Variants in SLC5A3 observed in about 807,000 individuals in gnomAD.
SLC5A3 encodes solute carrier family 5 member 3, also known as sodium/myo-inositol cotransporter.
Under a neutral mutation model 43.2 loss-of-function variants are expected in SLC5A3, and 10 were observed. That is an observed-to-expected ratio of 0.23 (90% CI 0.14 to 0.39). SLC5A3 has a LOEUF of 0.39. Among genes scored for constraint, SLC5A3 ranks in the 10% least tolerant of loss-of-function variants. The pLI is 1.00. For synonymous variants in SLC5A3, 349 were observed against 322.0 expected, an observed-to-expected ratio of 1.08 and a Z score of -0.90; for missense variants, 608 against 893.4, an observed-to-expected ratio of 0.68 and a Z score of 4.07.
intron 1 of SLC5A3, among the ~76,000 whole-genome samples, chr21:34,089,749 C>G (rs1381764810): frequency 1.3e-5 from 2 of 152,268 alleles, no homozygotes; most frequent in East Asian, 3.9e-4. Flanking sequence ...CCTACTCTGC[C>G]TCAACTTCAC....
rs1979378987 is a variant in SLC5A3, at chr21:34,104,298, A to G, written c.*6943A>G. On this transcript the variant is annotated 3_prime_UTR_variant, in exon 2 of 2. Transcript: ENST00000381151. Reference sequence around the variant, plus strand: ...CATTAACCCTCTTCTAGTCTAGATGAGATGAAATCTGTTAATGTGTGTGTA... The same window carrying G: ...CATTAACCCTCTTCTAGTCTAGATGGGATGAAATCTGTTAATGTGTGTGTA... 1 of 1,000,176 alleles carries G rather than the reference A, an allele frequency of 1.0e-6. No individual in the cohort carries two copies. Among genetic ancestry groups the G allele is most frequent in the South Asian group, 4.7e-5 (1 of 21,292 alleles). 62.0% of individuals were successfully genotyped at this position (1,000,176 alleles called of 1,614,324 possible).
At position 34,105,358 on chromosome 21, in the gene SLC5A3, T is replaced by C. The variant is rs747033483; in HGVS notation, c.*8003T>C. 292 of 999,614 alleles carry C rather than the reference T, an allele frequency of 2.9e-4. No homozygotes were observed. Among genetic ancestry groups the C allele is most frequent in the Non-Finnish European group, 3.4e-4 (281 of 829,602 alleles). 61.9% of individuals were successfully genotyped at this position (999,614 alleles called of 1,614,324 possible). A position where few individuals can be genotyped will look rare whatever the true frequency, so the allele number is the denominator to read the frequency against. On this transcript the variant is annotated 3_prime_UTR_variant, in exon 2 of 2. Transcript: ENST00000381151. ...TCAAAAATAGTTGCTGTGCAAAAGT[T>C]AGTAGTCTTCTTCAAGAAGAAAACC...
Position 34,101,336 on chromosome 21 carries a change from G to A in SLC5A3, c.*3981G>A. On this transcript the variant is annotated 3_prime_UTR_variant, in exon 2 of 2. Coordinates refer to ENST00000381151, the MANE Select transcript of SLC5A3 (RefSeq NM_006933.7). ...AATAAGTTTCAGCTTTTTAAACCCT[G>A]GTTTGATGTTAAGCATTATAAAGTA... The A allele has an allele frequency of 2.0e-6, 2 of 1,000,116 alleles. No homozygotes were observed. The highest frequency in any genetic ancestry group is 3.5e-5 in the African/African-American group (2 of 57,322). 62.0% of individuals were successfully genotyped at this position (1,000,116 alleles called of 1,614,324 possible). A position where few individuals can be genotyped will look rare whatever the true frequency, so the allele number is the denominator to read the frequency against.
At chr21:34,092,139 T>A (rs992703057) in intron 1 of SLC5A3, among the ~76,000 whole-genome samples, 1 of 150,834 alleles carries the variant, frequency 6.6e-6, no homozygotes, top group African/African-American at 2.4e-5. Context: ...TATATATATA[T>A]AACATACTGT....
intron 1 of SLC5A3, among the ~76,000 whole-genome samples, chr21:34,075,037 C>T (rs1989293334): frequency 6.6e-6 from 1 of 152,162 alleles, no homozygotes; most frequent in Non-Finnish European, 1.5e-5. Context: ...CTTGAATATC[C>T]CTTTTGGCCC....
intron 1 of SLC5A3, among the ~76,000 whole-genome samples, chr21:34,074,931 C>T (rs972114610): frequency 1.3e-5 from 2 of 152,118 alleles, no homozygotes; most frequent in East Asian, 1.9e-4. Flanking sequence ...CAGTGCCTCT[C>T]TATGAGGTCC....
chr21:34,101,061 T>A lies in SLC5A3; in HGVS notation c.*3706T>A. 1.0e-6 allele frequency: 1 copy of A among 1,000,186 alleles called. No individual in the cohort carries two copies. The highest frequency in any genetic ancestry group is 1.2e-6 in the Non-Finnish European group (1 of 829,932). 62.0% of individuals were successfully genotyped at this position (1,000,186 alleles called of 1,614,324 possible). ...TTTCCTAGGTTTGGATAGAGAGATG[T>A]ATACAAGACCTTTCCTGTTAAATTA... On this transcript the variant is annotated 3_prime_UTR_variant, in exon 2 of 2. Coordinates refer to ENST00000381151, the MANE Select transcript of SLC5A3 (RefSeq NM_006933.7).
Position 34,098,196 on chromosome 21 carries a change from G to A in SLC5A3, c.*841G>A, listed in dbSNP as rs548792282. The stretch of plus-strand genomic sequence containing the variant: ...GGAAATGACCAGCCCCCTAAGCAGT[G>A]TTTGATTAACTTATGCTAATCAGAT... On this transcript the variant is annotated 3_prime_UTR_variant, in exon 2 of 2. Transcript: ENST00000381151. 27 of 999,456 alleles carry A rather than the reference G, an allele frequency of 2.7e-5. No individual in the cohort carries two copies. The African/African-American group carries it at 4.2e-4, about 16-fold the overall frequency. The allele number at this position is 999,456 out of a possible 1,614,324, so 61.9% of individuals were successfully genotyped here.
intron 1 of SLC5A3, among the ~76,000 whole-genome samples, chr21:34,080,384 A>G (rs776385798): frequency 1.3e-5 from 2 of 152,098 alleles, no homozygotes; most frequent in African/African-American, 2.4e-5. Context: ...TCCACATTTT[A>G]TATGCCCAGT....
At chr21:34,077,429 A>G (rs1469068212) in intron 1 of SLC5A3, among the ~76,000 whole-genome samples, 1 of 152,332 alleles carries the variant, frequency 6.6e-6, no homozygotes, top group East Asian at 1.9e-4. Flanking sequence ...GTTGGCATAG[A>G]TTATGAAAGC....
chr21:34,089,028 C>T (rs1978541750), intron 1 of SLC5A3, among the ~76,000 whole-genome samples: 1 of 151,998 alleles, frequency 6.6e-6, no homozygotes, highest in African/African-American at 2.4e-5. Flanking sequence ...TCTGTTATTT[C>T]ATATTTCCTT....
Position 34,100,572 on chromosome 21 carries a change from G to T in SLC5A3, c.*3217G>T. On this transcript the variant is annotated 3_prime_UTR_variant, in exon 2 of 2. Transcript: ENST00000381151. Reference sequence around the variant, plus strand: ...CATTGTATTTTGGCACAAAGAGCCTGGCCAGGGTCATGTAGCCATAGCTCT... The same window carrying T: ...CATTGTATTTTGGCACAAAGAGCCTTGCCAGGGTCATGTAGCCATAGCTCT... 1.0e-6 allele frequency: 1 copy of T among 1,000,242 alleles called. No homozygotes were observed. The highest frequency in any genetic ancestry group is 1.2e-6 in the Non-Finnish European group (1 of 829,994). 62.0% of individuals were successfully genotyped at this position (1,000,242 alleles called of 1,614,324 possible). A position where few individuals can be genotyped will look rare whatever the true frequency, so the allele number is the denominator to read the frequency against.
intron 1 of SLC5A3, among the ~76,000 whole-genome samples, chr21:34,090,070 T>G (rs546395550): frequency 6.6e-6 from 1 of 152,310 alleles, no homozygotes; most frequent in Admixed American, 6.5e-5. Context: ...TCATGTCAGT[T>G]CTCAAAAAGT....
Position 34,106,199 on chromosome 21 carries a change from A to G in SLC5A3, c.*8844A>G, listed in dbSNP as rs1979468609. ...GTATTTTGTCCTGTAACTGAAGTATAGTAATTATTTTATGGAAATGTTAGC... is the reference window on the plus strand; with the variant it reads ...GTATTTTGTCCTGTAACTGAAGTATGGTAATTATTTTATGGAAATGTTAGC... On this transcript the variant is annotated 3_prime_UTR_variant, in exon 2 of 2. Coordinates refer to ENST00000381151, the MANE Select transcript of SLC5A3 (RefSeq NM_006933.7). 1 of 977,448 alleles carries G rather than the reference A, an allele frequency of 1.0e-6. No individual in the cohort carries two copies. Among genetic ancestry groups the G allele is most frequent in the Non-Finnish European group, 1.2e-6 (1 of 809,114 alleles). The allele number at this position is 977,448 out of a possible 1,614,324, so 60.5% of individuals were successfully genotyped here.
At chr21:34,089,588 AC>A (rs937888634) in intron 1 of SLC5A3, among the ~76,000 whole-genome samples, 2 of 152,114 alleles carry the variant, frequency 1.3e-5, no homozygotes, top group African/African-American at 4.8e-5. Context: ...TGGTTTATGA[AC>A]TTTTCTAGGT....
Position 34,096,371 on chromosome 21 carries a change from C to T in SLC5A3, c.1173C>T (p.Thr391=), listed in dbSNP as rs757574942. The T allele has an allele frequency of 3.7e-6, 6 of 1,614,040 alleles. No homozygotes were observed. The Admixed American group carries it at 8.3e-5, about 22-fold the overall frequency. Residue 391 remains threonine, a synonymous_variant, in exon 2 of 2, where the codon ACC becomes ACT. Coordinates refer to ENST00000381151, the MANE Select transcript of SLC5A3 (RefSeq NM_006933.7). The surrounding 1 kb of genome is among the most constrained non-coding windows in gnomAD (Gnocchi z 5.9). ...SIFNSASTIF[T]LDVYKLIRKS... is the part of the protein sequence containing the mutation. ...TTAACAGTGCCAGTACCATATTCAC[C>T]CTCGATGTGTACAAACTTATCCGCA...
chr21:34,078,291 C>G (rs1449001907), intron 1 of SLC5A3, among the ~76,000 whole-genome samples: 4 of 152,096 alleles, frequency 2.6e-5, no homozygotes, highest in Non-Finnish European at 1.5e-5. Context: ...GTTATACTTT[C>G]ATTTGGTATT....
In SLC5A3 at chr21:34,092,240, G is replaced by T. The variant is rs73363303; in HGVS notation, c.-336-2623G>T. ...TGTGACTAGAGTGTAAAATATAGCT[G>T]CATTGCATTATAGTATTTTATATAT... On this transcript the variant is annotated intron_variant, in intron 1 of 1. Coordinates refer to ENST00000381151, the MANE Select transcript of SLC5A3 (RefSeq NM_006933.7). 2.4e-3 allele frequency among the ~76,000 whole-genome samples: 370 copies of T among 152,276 alleles called. 2 individuals are homozygous for T. The highest frequency in any genetic ancestry group is 8.4e-3 in the African/African-American group (349 of 41,562).
chr21:34,098,790 T>A lies in SLC5A3; in HGVS notation c.*1435T>A. 1.0e-6 allele frequency: 1 copy of A among 1,000,176 alleles called. No homozygotes were observed. Among genetic ancestry groups the A allele is most frequent in the Non-Finnish European group, 1.2e-6 (1 of 829,914 alleles). 62.0% of individuals were successfully genotyped at this position (1,000,176 alleles called of 1,614,324 possible). On this transcript the variant is annotated 3_prime_UTR_variant, in exon 2 of 2. Transcript: ENST00000381151. ...GGTACAAAAGATGTTAGAGAAAAGC[T>A]CTACAGATTACGTACTTCTGTGTCT...
Sources: gnomAD v4.1 joint callset for allele counts (sites outside exome capture counted in the v4.1 genomes callset) on GRCh38, gnomAD v4.1.1 for gene constraint, Gnocchi (gnomAD v3.1) non-coding constraint, MANE v1.5 for transcripts, NCBI Gene and HGNC (gene_info 2026-07-23, HGNC 2026-07-21) for gene names.